The following ACACB variants were observed in gnomAD, a reference collection of about 807,000 sequenced individuals.
ACACB encodes the protein acetyl-CoA carboxylase 2.
A neutral mutation model predicts 278.8 loss-of-function variants in ACACB; 209 were observed. The observed-to-expected ratio is 0.75, with a 90% CI of 0.67 to 0.84. The LOEUF is 0.84. ACACB is among the 40% of genes least tolerant of loss of function. ACACB has a pLI of 0.00. For missense variants in ACACB, 2,850 were observed against 3,269.0 expected, an observed-to-expected ratio of 0.87 and a Z score of 3.13; for synonymous variants, 1,174 against 1,285.6, an observed-to-expected ratio of 0.91 and a Z score of 1.86.
At chr12:109,133,863 A>ATATATTTT (rs55881936) in intron 1 of ACACB, among the ~76,000 whole-genome samples, 2 of 70,648 alleles carry the variant, frequency 2.8e-5, no homozygotes, top group Non-Finnish European at 2.5e-5. Flanking sequence ...ATATATATAT[A>ATATATTTT]TTTTTTTTTT....
intron 41 of ACACB, 29 bp from the exon 42 acceptor site, chr12:109,252,017 A>T: frequency 6.4e-7 from 1 of 1,565,148 alleles, no homozygotes. Context: ...GCCACTCTCC[A>T]GAATTCAGAG....
intron 37 of ACACB, among the ~76,000 whole-genome samples, chr12:109,242,931 A>G (rs1273377211): frequency 6.6e-6 from 1 of 152,052 alleles, no homozygotes; most frequent in African/African-American, 2.4e-5. Context: ...TCACCACTGC[A>G]CTCCAGGCTG....
rs528398389 is a variant in ACACB at position 109,130,018 on chromosome 12, G to A, written c.-9-9379G>A. 1.4e-3 allele frequency among the ~76,000 whole-genome samples: 211 copies of A among 152,310 alleles called. 1 individual carries two copies. The highest frequency in any genetic ancestry group is 4.8e-3 in the African/African-American group (198 of 41,564). ...TCACAATAAGGCAGGTGAGGTAGGC[G>A]AGGCTGGGTATTTTGCCCCCTTTTC... On this transcript the variant is annotated intron_variant, in intron 1 of 52. Coordinates refer to ENST00000338432, the MANE Select transcript of ACACB (RefSeq NM_001093.4).
intron 4 of ACACB, among the ~76,000 whole-genome samples, chr12:109,171,013 A>ATTTTTTTTTTT (rs59371391): frequency 3.8e-5 from 4 of 106,530 alleles, no homozygotes; most frequent in Non-Finnish European, 7.2e-5. Flanking sequence ...CTTTTTTTGG[A>ATTTTTTTTTTT]TTTTTTTTTT....
intron 11 of ACACB, among the ~76,000 whole-genome samples, chr12:109,183,633 G>C (rs2044554320): frequency 6.6e-6 from 1 of 151,774 alleles, no homozygotes; most frequent in Non-Finnish European, 1.5e-5. Context: ...TGTTGATTTT[G>C]TATCCTGTAG....
At chr12:109,192,703 C>T (rs991836680) in intron 15 of ACACB, among the ~76,000 whole-genome samples, 2 of 151,996 alleles carry the variant, frequency 1.3e-5, no homozygotes, top group African/African-American at 4.8e-5. Context: ...AGGCTATCAC[C>T]CAGGCTAGAG....
At chr12:109,170,356 C>T (rs535170223) in intron 4 of ACACB, among the ~76,000 whole-genome samples, 51 of 152,200 alleles carry the variant, frequency 3.4e-4, no homozygotes, top group African/African-American at 1.2e-3. Context: ...TCAGCCACCG[C>T]GCCCAGCCAG....
At chr12:109,247,932 T>C (rs934109192) in intron 40 of ACACB, among the ~76,000 whole-genome samples, 2 of 152,242 alleles carry the variant, frequency 1.3e-5, no homozygotes, top group African/African-American at 4.8e-5. Flanking sequence ...TAGCACGTCA[T>C]GTAGGGAGAA....
At chr12:109,198,653 T>C (rs1189280070) in intron 17 of ACACB, among the ~76,000 whole-genome samples, 1 of 152,062 alleles carries the variant, frequency 6.6e-6, no homozygotes, top group Non-Finnish European at 1.5e-5. Flanking sequence ...ACCATGATTG[T>C]GCCACTGCAC....
chr12:109,235,940 A>G, intron 33 of ACACB: 1 of 347,292 alleles, frequency 2.9e-6, no homozygotes, highest in Non-Finnish European at 5.2e-6. Flanking sequence ...TAGAGGTTTC[A>G]GTGAGCCAAG....
chr12:109,196,232 GCTC>G (rs927861785), intron 16 of ACACB, among the ~76,000 whole-genome samples: 11 of 152,170 alleles, frequency 7.2e-5, no homozygotes, highest in Non-Finnish European at 1.3e-4. Context: ...GCTCTTGTGT[GCTC>G]CTGGGCAGAG....
chr12:109,132,762 G>A (rs998579751), intron 1 of ACACB, among the ~76,000 whole-genome samples: 1 of 152,136 alleles, frequency 6.6e-6, no homozygotes, highest in Non-Finnish European at 1.5e-5. Context: ...TCATTATTCC[G>A]CAAAGAAAAG....
At chr12:109,193,582 G>GC in intron 15 of ACACB, 66 bp from the exon 16 acceptor site, 3 of 1,310,448 alleles carry the variant, frequency 2.3e-6, no homozygotes, top group Non-Finnish European at 3.3e-6. Flanking sequence ...TTTTTTAAAT[G>GC]CAAGGGATGG....
chr12:109,209,098 C>A, intron 20 of ACACB, 67 bp from the exon 21 acceptor site: 1 of 1,499,832 alleles, frequency 6.7e-7, no homozygotes, highest in East Asian at 2.5e-5. Context: ...TGTTGGGTGC[C>A]CTGTTTGGGG....
chr12:109,161,731 T>TG (rs2043728706), intron 2 of ACACB, among the ~76,000 whole-genome samples: 1 of 150,134 alleles, frequency 6.7e-6, no homozygotes, highest in Non-Finnish European at 1.5e-5. Context: ...TAGTATTCTT[T>TG]TGTGTGTATG....
intron 2 of ACACB, among the ~76,000 whole-genome samples, chr12:109,142,071 G>A (rs964380239): frequency 6.6e-6 from 1 of 151,092 alleles, no homozygotes; most frequent in Non-Finnish European, 1.5e-5. Context: ...AATATAGTGA[G>A]ACCTCATCTC....
At chr12:109,245,837 C>G (rs2046926928) in intron 38 of ACACB, 89 bp downstream of exon 38, 1 of 1,518,068 alleles carries the variant, frequency 6.6e-7, no homozygotes, top group African/African-American at 1.4e-5. Flanking sequence ...ACCTGTAATC[C>G]CAGTGCTTTG....
chr12:109,174,646 T>G (rs543867680), intron 7 of ACACB, among the ~76,000 whole-genome samples: 1 of 151,646 alleles, frequency 6.6e-6, no homozygotes, highest in Non-Finnish European at 1.5e-5. Flanking sequence ...GAGGATCACT[T>G]GAAGCCAGGA....
chr12:109,120,771 TGGAG>T (rs1478386167), intron 1 of ACACB, among the ~76,000 whole-genome samples: 2 of 152,158 alleles, frequency 1.3e-5, no homozygotes, highest in African/African-American at 4.8e-5. Context: ...CACCTGGAGC[TGGAG>T]GGCCCAGCCC....
Sources: allele counts gnomAD v4.1 joint callset (sites outside exome capture counted in the v4.1 genomes callset), GRCh38; gene constraint gnomAD v4.1.1; transcripts MANE v1.5; gene names NCBI Gene and HGNC (gene_info 2026-07-23, HGNC 2026-07-21).